Variants in MMP16 observed in about 807,000 individuals in gnomAD.
The protein encoded by MMP16 is matrix metalloproteinase-16.
Under a neutral mutation model 67.8 loss-of-function variants are expected in MMP16, and 12 were observed. The observed-to-expected ratio is 0.18, with a 90% CI of 0.11 to 0.29. The LOEUF (loss-of-function observed/expected upper bound fraction) is 0.29, where lower values mean the gene tolerates loss of function less well. Among genes scored for constraint, MMP16 ranks in the 10% least tolerant of loss-of-function variants. The pLI is 1.00. For missense variants in MMP16, 475 were observed against 765.7 expected, an observed-to-expected ratio of 0.62 and a Z score of 4.48; for synonymous variants, 249 against 255.9, an observed-to-expected ratio of 0.97 and a Z score of 0.26.
rs139162174 is a variant in MMP16, at chr8:88,284,920, G to A, written c.132+42155C>T. ...TCAGCTAATTCCTACTTATCCTTGAGGCAGCAACATAAATGTAAATTCCTC... is the reference window on the plus strand; with the variant it reads ...TCAGCTAATTCCTACTTATCCTTGAAGCAGCAACATAAATGTAAATTCCTC... On this transcript the variant is annotated intron_variant, in intron 1 of 9. Transcript: ENST00000286614. Among the ~76,000 whole-genome samples the A allele has an allele frequency of 5.4e-3, 818 of 151,222 alleles. 9 individuals are homozygous for A. Among genetic ancestry groups the A allele is most frequent in the African/African-American group, 0.019 (781 of 41,142 alleles).
chr8:88,326,815 T>A lies in MMP16; in HGVS notation c.132+260A>T. On this transcript the variant is annotated intron_variant, in intron 1 of 9. Transcript: ENST00000286614. The stretch of plus-strand genomic sequence containing the variant: ...ATATGTAGGACTTCTCTTCCCTGGG[T>A]GAAAAGCATGGACCGGCTACAATTG... 7 of 379,044 alleles carry A rather than the reference T, an allele frequency of 1.8e-5. No homozygotes were observed. In the South Asian group the frequency reaches 2.3e-4, roughly 12 times the overall value. 23.5% of individuals were successfully genotyped at this position (379,044 alleles called of 1,614,324 possible).
At chr8:88,267,179 T>C (rs1347388080) in intron 1 of MMP16, among the ~76,000 whole-genome samples, 1 of 152,198 alleles carries the variant, frequency 6.6e-6, no homozygotes, top group Non-Finnish European at 1.5e-5. Context: ...ATATAGTATA[T>C]ATGAATCACA....
chr8:88,189,576 G>T (rs1384970632), intron 2 of MMP16, among the ~76,000 whole-genome samples: 1 of 152,094 alleles, frequency 6.6e-6, no homozygotes, highest in Non-Finnish European at 1.5e-5. Context: ...CAAAGCAAAA[G>T]TGTGTTCTCT....
In MMP16 at chr8:88,249,680, GC is replaced by G. The variant is rs28904596; in HGVS notation, c.133-52375del. On this transcript the variant is annotated intron_variant, in intron 1 of 9. Coordinates refer to ENST00000286614, the MANE Select transcript of MMP16 (RefSeq NM_005941.5). The stretch of plus-strand genomic sequence containing the variant: ...TGGGAATATCATTTTCCTTTCCTGA[GC>G]AAACACCTCCTCCAGACAGTGGCTT... Among the ~76,000 whole-genome samples the G allele has an allele frequency of 7.1e-3, 1,075 of 152,132 alleles. 5 individuals are homozygous for G. The highest frequency in any genetic ancestry group is 0.013 in the African/African-American group (532 of 41,518).
intron 1 of MMP16, among the ~76,000 whole-genome samples, chr8:88,323,472 C>T (rs933190724): frequency 2.6e-5 from 4 of 152,102 alleles, no homozygotes; most frequent in Admixed American, 2.0e-4. Flanking sequence ...TCTAAAATAT[C>T]TCTGCTTTCT....
At chr8:88,064,083 T>C (rs1200780655) in intron 7 of MMP16, among the ~76,000 whole-genome samples, 1 of 152,148 alleles carries the variant, frequency 6.6e-6, no homozygotes, top group Non-Finnish European at 1.5e-5. Context: ...AATCACACTT[T>C]ACCAGCAAAC....
chr8:88,220,450 T>A (rs1431117942), intron 1 of MMP16, among the ~76,000 whole-genome samples: 1 of 152,180 alleles, frequency 6.6e-6, no homozygotes, highest in African/African-American at 2.4e-5. Context: ...ACAGTATCAC[T>A]GACCATGTTC....
At chr8:88,308,288 C>A (rs1418047810) in intron 1 of MMP16, among the ~76,000 whole-genome samples, 1 of 152,042 alleles carries the variant, frequency 6.6e-6, no homozygotes, top group East Asian at 1.9e-4. Context: ...TTCAAAGGGA[C>A]CTTTTGTTAA....
rs180917361 is a variant in MMP16, at chr8:88,264,704, C to T, written c.132+62371G>A. ...GGCCAGGACTGCTATGCTCAGAATC[C>T]CCTGGGCCTTGGGCACAGCACATAC... On this transcript the variant is annotated intron_variant, in intron 1 of 9. Coordinates refer to ENST00000286614, the MANE Select transcript of MMP16 (RefSeq NM_005941.5). Among the ~76,000 whole-genome samples the T allele has an allele frequency of 2.4e-3, 360 of 152,210 alleles. 2 individuals are homozygous for T. The Middle Eastern group carries it at 0.027, about 12-fold the overall frequency.
At chr8:88,253,818 A>G (rs1810261767) in intron 1 of MMP16, among the ~76,000 whole-genome samples, 1 of 152,046 alleles carries the variant, frequency 6.6e-6, no homozygotes, top group Admixed American at 6.6e-5. Context: ...TTTTAATGCA[A>G]ACTAATGTTT....
chr8:88,284,343 C>A (rs1042846131), intron 1 of MMP16, among the ~76,000 whole-genome samples: 5 of 152,080 alleles, frequency 3.3e-5, no homozygotes, highest in South Asian at 4.2e-4. Flanking sequence ...TGGTGCATAT[C>A]AAATATGTCC....
chr8:88,160,120 C>T (rs763032386), intron 4 of MMP16, among the ~76,000 whole-genome samples: 3 of 151,930 alleles, frequency 2.0e-5, no homozygotes, highest in Non-Finnish European at 4.4e-5. Flanking sequence ...ATCCCTCCCC[C>T]TTCCCCCAAT....
chr8:88,270,190 G>C (rs1045751520), intron 1 of MMP16, among the ~76,000 whole-genome samples: 7 of 152,110 alleles, frequency 4.6e-5, no homozygotes, highest in Non-Finnish European at 7.4e-5. Flanking sequence ...TGCATTACAG[G>C]ATTATTAAAA....
intron 9 of MMP16, among the ~76,000 whole-genome samples, chr8:88,045,022 C>G (rs1050300868): frequency 6.6e-5 from 10 of 152,084 alleles, no homozygotes; most frequent in Admixed American, 6.6e-4. Flanking sequence ...TAATCTTAGT[C>G]TCACTGTCCT....
intron 1 of MMP16, among the ~76,000 whole-genome samples, chr8:88,293,113 T>C (rs541209711): frequency 6.6e-6 from 1 of 152,322 alleles, no homozygotes; most frequent in South Asian, 2.1e-4. Flanking sequence ...TATTAATATA[T>C]TTTTGGTTAT....
intron 4 of MMP16, among the ~76,000 whole-genome samples, chr8:88,147,020 TTTTAA>T (rs932803635): frequency 5.1e-4 from 77 of 152,166 alleles, no homozygotes; most frequent in African/African-American, 1.8e-3. Flanking sequence ...GATAGTAGAA[TTTTAA>T]TTTATTACAA....
At chr8:88,189,739 A>T (rs1437188215) in intron 2 of MMP16, among the ~76,000 whole-genome samples, 1 of 152,156 alleles carries the variant, frequency 6.6e-6, no homozygotes, top group Non-Finnish European at 1.5e-5. Context: ...TGTCTGGAAT[A>T]CTTTTCACTC....
At chr8:88,094,246 C>T (rs189563541) in intron 6 of MMP16, among the ~76,000 whole-genome samples, 4 of 151,706 alleles carry the variant, frequency 2.6e-5, no homozygotes, top group Non-Finnish European at 5.9e-5. Context: ...GAATCCTTAA[C>T]AAGTAAGAGA....
chr8:88,264,951 A>T (rs1810451377), intron 1 of MMP16, among the ~76,000 whole-genome samples: 1 of 152,236 alleles, frequency 6.6e-6, no homozygotes, highest in African/African-American at 2.4e-5. Flanking sequence ...TGACTTGGCA[A>T]GACTGCCTTG....
Sources: allele counts gnomAD v4.1 joint callset (sites outside exome capture counted in the v4.1 genomes callset), GRCh38; gene constraint gnomAD v4.1.1; transcripts MANE v1.5; gene names NCBI Gene and HGNC (gene_info 2026-07-23, HGNC 2026-07-21).